RYR1: variants seen among roughly 807,000 people sequenced by gnomAD.
RYR1 encodes the protein central core disease of muscle.
RYR1 carries 342 observed loss-of-function variants against 583.5 expected under a neutral mutation model. That is an observed-to-expected ratio of 0.59 (90% confidence interval 0.54 to 0.64). RYR1 has a LOEUF of 0.64. Among genes scored for constraint, RYR1 ranks in the 30% least tolerant of loss-of-function variants. RYR1 has a pLI of 0.00. For missense variants in RYR1, 6,032 were observed against 6,917.2 expected, an observed-to-expected ratio of 0.87 and a Z score of 4.54; for synonymous variants, 2,791 against 2,822.5, an observed-to-expected ratio of 0.99 and a Z score of 0.35.
rs144645143 is a variant in RYR1 at position 38,480,687 on chromosome 19, T to G, written c.4620+2087T>G. On this transcript the variant is annotated intron_variant, in intron 31 of 105. Transcript: ENST00000359596. Reference sequence around the variant, plus strand: ...TTGTCCCCAAAATGTCATTTTACCATTTCTTTGTTTGAATCAGAATCTAAG... The same window carrying G: ...TTGTCCCCAAAATGTCATTTTACCAGTTCTTTGTTTGAATCAGAATCTAAG... Among the ~76,000 whole-genome samples the G allele has an allele frequency of 9.9e-3, 1,514 of 152,268 alleles. 25 individuals carry two copies. The highest frequency in any genetic ancestry group is 0.035 in the African/African-American group (1,453 of 41,564).
chr19:38,459,590 C>T lies in RYR1; in HGVS notation c.2360+252C>T, dbSNP rs548555531. Among the ~76,000 whole-genome samples the T allele has an allele frequency of 2.6e-5, 4 of 152,244 alleles. No homozygotes were observed. The East Asian group carries it at 7.7e-4, about 29-fold the overall frequency. ...TCTGAGATAATGGTCTCAGACTCTC[C>T]TAGTGGTCTCTCAACAACCCAAGGT... On this transcript the variant is annotated intron_variant, in intron 19 of 105. Coordinates refer to ENST00000359596, the MANE Select transcript of RYR1 (RefSeq NM_000540.3).
intron 33 of RYR1, among the ~76,000 whole-genome samples, chr19:38,484,379 CCT>C (rs1401053363): frequency 6.6e-6 from 1 of 151,206 alleles, no homozygotes; most frequent in African/African-American, 2.4e-5. Context: ...TTCCTTCCTT[CCT>C]CCCTCCTTCC....
intron 96 of RYR1, among the ~76,000 whole-genome samples, chr19:38,573,936 A>G (rs1440411245): frequency 1.3e-5 from 2 of 151,954 alleles, no homozygotes; most frequent in South Asian, 2.1e-4. Context: ...CTCAGGTGCA[A>G]TGAGTGCAAA....
Position 38,528,902 on chromosome 19 carries a change from A to C in RYR1, c.11035-49A>C, listed in dbSNP as rs373469105. On this transcript the variant is annotated intron_variant, in intron 75 of 105. Coordinates refer to ENST00000359596, the MANE Select transcript of RYR1 (RefSeq NM_000540.3). Reference sequence around the variant, plus strand: ...CCAACAGGGACATGGGGGCAGTGACAGGAGGGGACTCTAGAAACCCTCTCC... The same window carrying C: ...CCAACAGGGACATGGGGGCAGTGACCGGAGGGGACTCTAGAAACCCTCTCC... 1.2e-4 allele frequency: 195 copies of C among 1,582,826 alleles called. No homozygotes were observed. The South Asian group carries it at 2.0e-3, about 16-fold the overall frequency.
intron 102 of RYR1, 42 bp downstream of exon 102, chr19:38,585,141 A>T: frequency 6.2e-7 from 1 of 1,604,740 alleles, no homozygotes; most frequent in Non-Finnish European, 8.5e-7. Flanking sequence ...GAGGCAGGCT[A>T]GCTCCATGGC....
At chr19:38,536,663 C>T (rs1971982638) in intron 82 of RYR1, 87 bp from the exon 83 acceptor site, 1 of 1,471,710 alleles carries the variant, frequency 6.8e-7, no homozygotes, top group Admixed American at 1.7e-5. Flanking sequence ...CTGTCCCTGA[C>T]TGTCATTGTG....
intron 42 of RYR1, among the ~76,000 whole-genome samples, chr19:38,497,305 G>A (rs2145591071): frequency 6.6e-6 from 1 of 152,324 alleles, no homozygotes. Context: ...CTTCCGGGTT[G>A]GGGGCCGATC....
chr19:38,517,749 C>A, intron 66 of RYR1, 58 bp downstream of exon 66: 1 of 1,526,766 alleles, frequency 6.5e-7, no homozygotes, highest in South Asian at 1.1e-5. Flanking sequence ...GCTCCCTTGG[C>A]AGATGGTCTG....
chr19:38,462,254 C>T (rs1967794069), intron 20 of RYR1, among the ~76,000 whole-genome samples: 1 of 152,188 alleles, frequency 6.6e-6, no homozygotes, highest in Admixed American at 6.5e-5. Context: ...TATCTGATAG[C>T]ATTGTTCATT....
intron 90 of RYR1, among the ~76,000 whole-genome samples, chr19:38,562,380 A>G (rs1973186948): frequency 6.6e-6 from 1 of 150,390 alleles, no homozygotes; most frequent in Non-Finnish European, 1.5e-5. Flanking sequence ...TCCCCTCCCC[A>G]TTCCCTCACA....
rs1418190041 is a variant in RYR1 at position 38,438,324 on chromosome 19, A to T, written c.46-2421A>T. ...CACCTATCACTGACATTAACATTAC[A>T]TATTAATTCACCTGTTTATTCCCTG... On this transcript the variant is annotated intron_variant, in intron 1 of 105. Transcript: ENST00000359596. Among the ~76,000 whole-genome samples, 4 of 151,470 alleles carry T rather than the reference A, an allele frequency of 2.6e-5. 1 individual carries two copies. The highest frequency in any genetic ancestry group is 9.7e-5 in the African/African-American group (4 of 41,150).
intron 58 of RYR1, among the ~76,000 whole-genome samples, chr19:38,509,313 T>G (rs997081879): frequency 1.3e-5 from 2 of 151,942 alleles, no homozygotes; most frequent in African/African-American, 4.8e-5. Context: ...AGTTTCCTCA[T>G]CTGAAAAATG....
At chr19:38,536,109 C>A (rs925289087) in intron 82 of RYR1, 39 bp downstream of exon 82, 13 of 1,561,880 alleles carry the variant, frequency 8.3e-6, no homozygotes, top group African/African-American at 1.4e-5. Context: ...CCTGAGACAT[C>A]TTCCTTTGGG....
chr19:38,466,614 G>C (rs1055393802), intron 24 of RYR1, among the ~76,000 whole-genome samples: 1 of 149,890 alleles, frequency 6.7e-6, no homozygotes, highest in Middle Eastern at 3.4e-3. Flanking sequence ...CCATTCTCCT[G>C]CCTCAGCCTT....
rs1969092025 is a variant in RYR1, at chr19:38,483,054, G to A, written c.4648G>A (p.Ala1550Thr). The part of the protein sequence containing the change: ...QVEPNTKLFP[A>T]VFVLPTHQNV... ...GGAACCCAACACTAAGCTATTTCCT[G>A]CCGTCTTCGTCCTGCCCACCCACCA... Residue 1550 changes from alanine (A) to threonine (T), a missense_variant, in exon 32 of 106, where the codon GCC becomes ACC. Coordinates refer to ENST00000359596, the MANE Select transcript of RYR1 (RefSeq NM_000540.3). This position sits in a 1 kb window ranked among gnomAD's most constrained non-coding sequence, Gnocchi z 6.3. The A allele has an allele frequency of 7.4e-6, 12 of 1,614,072 alleles. No individual in the cohort carries two copies. The highest frequency in any genetic ancestry group is 7.6e-6 in the Non-Finnish European group (9 of 1,180,004).
At chr19:38,519,481 C>T in intron 67 of RYR1, 27 bp downstream of exon 67, 1 of 1,573,596 alleles carries the variant, frequency 6.4e-7, no homozygotes, top group South Asian at 1.2e-5. Flanking sequence ...TGTCCCCATG[C>T]CCTCCGCCCC....
Position 38,458,951 on chromosome 19 carries a change from C to T in RYR1, c.2168-195C>T, listed in dbSNP as rs74771916. ...GGATTTAATCTCTGGCCCCACAGCT[C>T]AGAATCCTAACTTCAGGGGAACCCT... On this transcript the variant is annotated intron_variant, in intron 18 of 105. Coordinates refer to ENST00000359596, the MANE Select transcript of RYR1 (RefSeq NM_000540.3). Among the ~76,000 whole-genome samples the T allele has an allele frequency of 0.024, 3,713 of 152,262 alleles. 134 individuals carry two copies. The highest frequency in any genetic ancestry group is 0.081 in the African/African-American group (3,356 of 41,548).
chr19:38,582,687 C>T (rs1700747287), intron 101 of RYR1, among the ~76,000 whole-genome samples: 2 of 152,090 alleles, frequency 1.3e-5, no homozygotes, highest in Non-Finnish European at 1.5e-5. Context: ...GTATACCCAG[C>T]GTTCAATGCA....
At chr19:38,509,934 C>T (rs543278817) in intron 58 of RYR1, among the ~76,000 whole-genome samples, 2 of 151,880 alleles carry the variant, frequency 1.3e-5, no homozygotes, top group Admixed American at 6.6e-5. Flanking sequence ...GAATGAAAAG[C>T]ACTTATGGTG....
Sources: gnomAD v4.1 joint callset for allele counts (sites outside exome capture counted in the v4.1 genomes callset) on GRCh38, gnomAD v4.1.1 for gene constraint, Gnocchi (gnomAD v3.1) non-coding constraint, MANE v1.5 for transcripts, NCBI Gene and HGNC (gene_info 2026-07-23, HGNC 2026-07-21) for gene names.